MEGF11: variants seen among roughly 807,000 people sequenced by gnomAD.
The protein encoded by MEGF11 is multiple EGF like domains 11.
MEGF11 carries 126 observed loss-of-function variants against 146.6 expected under a neutral mutation model. That is an observed-to-expected ratio of 0.86 (90% confidence interval 0.74 to 1.00). MEGF11 has a LOEUF of 1.00. Ranked by LOEUF, MEGF11 falls within the 50% of genes least tolerant of loss-of-function variation. MEGF11 has a pLI of 0.00. For synonymous variants in MEGF11, 532 were observed against 583.4 expected (o/e 0.91, Z 1.27); for missense variants, 1,509 against 1,521.2 (o/e 0.99, Z 0.13).
At chr15:65,934,502 C>G (rs1014203346) in intron 10 of MEGF11, among the ~76,000 whole-genome samples, 1 of 152,186 alleles carries the variant, frequency 6.6e-6, no homozygotes, top group South Asian at 2.1e-4. Context: ...CCACCCACCT[C>G]GGCCTCCCAA....
At chr15:65,898,406 G>A (rs2078403661) in intron 25 of MEGF11, 1 of 984,988 alleles carries the variant, frequency 1.0e-6, no homozygotes, top group South Asian at 4.7e-5. Flanking sequence ...GTCTCTGATT[G>A]CTTTCTTTTT....
chr15:65,944,511 G>T (rs1389409482), intron 10 of MEGF11, among the ~76,000 whole-genome samples: 1 of 152,134 alleles, frequency 6.6e-6, no homozygotes, highest in Non-Finnish European at 1.5e-5. Context: ...TTAGGGAAGG[G>T]TGATGAGAGG....
chr15:66,027,102 GTGGAGACCCTTC>G, intron 5 of MEGF11, among the ~76,000 whole-genome samples: 1 of 152,298 alleles, frequency 6.6e-6, no homozygotes, highest in Non-Finnish European at 1.5e-5. Context: ...CACGCTAGCT[GTGGAGACCCTTC>G]TGGGCCTCCC....
intron 1 of MEGF11, among the ~76,000 whole-genome samples, chr15:66,242,989 T>C (rs768997512): frequency 1.6e-4 from 25 of 152,206 alleles, no homozygotes; most frequent in Non-Finnish European, 3.2e-4. Context: ...GAAGAATGAC[T>C]CTTTCCCCCA....
intron 5 of MEGF11, among the ~76,000 whole-genome samples, chr15:66,016,478 A>AG (rs1484031529): frequency 7.5e-5 from 6 of 79,940 alleles, no homozygotes; most frequent in Non-Finnish European, 1.4e-4. Context: ...CCATCCATTC[A>AG]GTTTTTTTTT....
At chr15:66,099,235 TG>T (rs975271902) in intron 4 of MEGF11, among the ~76,000 whole-genome samples, 38 of 143,478 alleles carry the variant, frequency 2.6e-4, no homozygotes, top group Admixed American at 4.4e-4. Context: ...TATGGAGTCT[TG>T]CTCTGGTGCA....
chr15:66,043,766 G>A (rs1443888147), intron 5 of MEGF11, among the ~76,000 whole-genome samples: 1 of 152,176 alleles, frequency 6.6e-6, no homozygotes, highest in Non-Finnish European at 1.5e-5. Flanking sequence ...AGTTTCTAGT[G>A]AACTGAGCAC....
chr15:66,225,168 G>A (rs2091824910), intron 1 of MEGF11, among the ~76,000 whole-genome samples: 1 of 152,220 alleles, frequency 6.6e-6, no homozygotes, highest in Admixed American at 6.5e-5. Context: ...GGCCTGGCAT[G>A]GATTCACACT....
At chr15:66,211,857 C>T (rs1397990422) in intron 1 of MEGF11, among the ~76,000 whole-genome samples, 1 of 151,778 alleles carries the variant, frequency 6.6e-6, no homozygotes, top group Non-Finnish European at 1.5e-5. Flanking sequence ...TACATAACTA[C>T]CCCTGTCAGA....
intron 5 of MEGF11, among the ~76,000 whole-genome samples, chr15:66,002,333 G>T (rs558057931): frequency 2.6e-5 from 4 of 152,306 alleles, no homozygotes; most frequent in Non-Finnish European, 5.9e-5. Context: ...AGGCTCCTCA[G>T]TAGAGCTCTC....
chr15:66,168,507 G>A (rs2090159869), intron 1 of MEGF11, among the ~76,000 whole-genome samples: 1 of 152,170 alleles, frequency 6.6e-6, no homozygotes, highest in African/African-American at 2.4e-5. Flanking sequence ...AAGTTACTGA[G>A]CACTTACAGC....
intron 9 of MEGF11, among the ~76,000 whole-genome samples, chr15:65,961,464 G>A (rs578114375): frequency 3.3e-5 from 5 of 152,280 alleles, no homozygotes; most frequent in African/African-American, 9.6e-5. Context: ...GGTAATACAC[G>A]ATCATGGCTG....
chr15:66,066,569 C>A (rs567319739), intron 5 of MEGF11, among the ~76,000 whole-genome samples: 2 of 152,246 alleles, frequency 1.3e-5, no homozygotes, highest in South Asian at 2.1e-4. Context: ...AAGTGGCCTG[C>A]GTCCAAGTGG....
intron 5 of MEGF11, among the ~76,000 whole-genome samples, chr15:66,058,105 T>C (rs2084752405): frequency 6.6e-6 from 1 of 152,096 alleles, no homozygotes; most frequent in Non-Finnish European, 1.5e-5. Flanking sequence ...AAATGCACAA[T>C]TGTTCTCTGA....
At chr15:65,930,774 G>A (rs761400400) in intron 11 of MEGF11, 49 bp downstream of exon 11, 1 of 1,529,140 alleles carries the variant, frequency 6.5e-7, no homozygotes, top group Non-Finnish European at 8.9e-7. Flanking sequence ...CACCACCTGG[G>A]GAATGTGCTC....
chr15:65,989,975 C>A (rs1244175566), intron 5 of MEGF11, among the ~76,000 whole-genome samples: 1 of 152,186 alleles, frequency 6.6e-6, no homozygotes, highest in African/African-American at 2.4e-5. Context: ...AGGAGGATCA[C>A]TGAGATTAGA....
chr15:66,141,416 G>A (rs908712469), intron 1 of MEGF11, among the ~76,000 whole-genome samples: 1 of 151,956 alleles, frequency 6.6e-6, no homozygotes, highest in African/African-American at 2.4e-5. Flanking sequence ...AAGACGACTG[G>A]CTTGGAACTC....
At chr15:66,244,475 T>G (rs1286861325) in intron 1 of MEGF11, among the ~76,000 whole-genome samples, 1 of 152,096 alleles carries the variant, frequency 6.6e-6, no homozygotes, top group African/African-American at 2.4e-5. Flanking sequence ...AAAAAGAGAC[T>G]GGGAGAACAG....
At chr15:66,204,035 G>A (rs544858122) in intron 1 of MEGF11, among the ~76,000 whole-genome samples, 49 of 152,136 alleles carry the variant, frequency 3.2e-4, no homozygotes, top group Non-Finnish European at 5.4e-4. Context: ...TTGAGCCCAG[G>A]TGTTTGAGAC....
Sources: gnomAD v4.1 joint callset for allele counts (sites outside exome capture counted in the v4.1 genomes callset) on GRCh38, gnomAD v4.1.1 for gene constraint, MANE v1.5 for transcripts, NCBI Gene and HGNC (gene_info 2026-07-23, HGNC 2026-07-21) for gene names.